The following THSD7B variants were observed in gnomAD, a reference collection of about 807,000 sequenced individuals.
The protein encoded by THSD7B is thrombospondin type 1 domain containing 7B, also known as thrombospondin type-1 domain-containing protein 7B.
A neutral mutation model predicts 213.6 loss-of-function variants in THSD7B; 138 were observed. The observed-to-expected ratio is 0.65, with a 90% CI of 0.56 to 0.74. The LOEUF (loss-of-function observed/expected upper bound fraction) is 0.74, where lower values mean the gene tolerates loss of function less well. Ranked by LOEUF, THSD7B falls within the 30% of genes least tolerant of loss-of-function variation. THSD7B has a pLI of 0.00. For missense variants in THSD7B, 1,931 were observed against 1,991.5 expected, an observed-to-expected ratio of 0.97 and a Z score of 0.58; for synonymous variants, 742 against 687.0, an observed-to-expected ratio of 1.08 and a Z score of -1.25.
At chr2:137,135,007 C>T (rs1207408343) in intron 5 of THSD7B, among the ~76,000 whole-genome samples, 1 of 152,110 alleles carries the variant, frequency 6.6e-6, no homozygotes, top group Admixed American at 6.6e-5. Context: ...ACCTCAGTTT[C>T]TTCTGAGCCT....
At chr2:137,279,278 G>A (rs1301710781) in intron 12 of THSD7B, among the ~76,000 whole-genome samples, 1 of 152,270 alleles carries the variant, frequency 6.6e-6, no homozygotes, top group South Asian at 2.1e-4. Flanking sequence ...GCTCATGCCT[G>A]TAATCTCAGC....
chr2:136,961,110 AAG>A (rs1484867145), intron 2 of THSD7B, among the ~76,000 whole-genome samples: 1 of 148,546 alleles, frequency 6.7e-6, no homozygotes, highest in Non-Finnish European at 1.5e-5. Flanking sequence ...AAAAAAAAAA[AAG>A]AGAAAATGTG....
At chr2:137,135,346 C>T (rs960994477) in intron 5 of THSD7B, among the ~76,000 whole-genome samples, 7 of 152,174 alleles carry the variant, frequency 4.6e-5, no homozygotes, top group African/African-American at 1.4e-4. Flanking sequence ...TCTGAAGTCA[C>T]TAATATTTGG....
chr2:137,038,469 C>G (rs1686817907), intron 2 of THSD7B, among the ~76,000 whole-genome samples: 1 of 152,122 alleles, frequency 6.6e-6, no homozygotes, highest in Non-Finnish European at 1.5e-5. Flanking sequence ...CTGCCCTTGG[C>G]CACTCACAGG....
chr2:137,020,454 T>C (rs530087789), intron 2 of THSD7B, among the ~76,000 whole-genome samples: 188 of 152,196 alleles, frequency 1.2e-3, no homozygotes, highest in Non-Finnish European at 1.3e-3. Context: ...CCTGATCTGA[T>C]TGCGGTTCAT....
At chr2:137,398,232 G>C in intron 12 of THSD7B, among the ~76,000 whole-genome samples, 1 of 149,876 alleles carries the variant, frequency 6.7e-6, no homozygotes, top group Non-Finnish European at 1.5e-5. Flanking sequence ...TGGAGGAGGA[G>C]AGGTGCTCTG....
intron 10 of THSD7B, among the ~76,000 whole-genome samples, chr2:137,265,232 A>G (rs1304425894): frequency 6.6e-6 from 1 of 152,206 alleles, no homozygotes; most frequent in Non-Finnish European, 1.5e-5. Context: ...ATCACTGGCC[A>G]TCAGAGAAAT....
intron 3 of THSD7B, among the ~76,000 whole-genome samples, chr2:137,063,475 T>C (rs1279614202): frequency 2.0e-5 from 3 of 152,108 alleles, no homozygotes; most frequent in Admixed American, 1.3e-4. Flanking sequence ...ATTGTAATCA[T>C]ATCAGGGTAA....
chr2:137,373,880 T>C (rs181159576), intron 12 of THSD7B, among the ~76,000 whole-genome samples: 1 of 152,066 alleles, frequency 6.6e-6, no homozygotes, highest in South Asian at 2.1e-4. Context: ...TTTGTATAAG[T>C]TGTAAGGAAG....
At chr2:137,404,524 CACAA>C (rs1386572339) in intron 12 of THSD7B, among the ~76,000 whole-genome samples, 1 of 137,942 alleles carries the variant, frequency 7.2e-6, no homozygotes, top group African/African-American at 2.7e-5. Flanking sequence ...TATATACACA[CACAA>C]TATATATATA....
At chr2:137,643,125 T>A (rs912556666) in intron 21 of THSD7B, among the ~76,000 whole-genome samples, 4 of 152,216 alleles carry the variant, frequency 2.6e-5, no homozygotes, top group Admixed American at 2.0e-4. Flanking sequence ...CACTACATTT[T>A]CCTCAATGAT....
intron 12 of THSD7B, among the ~76,000 whole-genome samples, chr2:137,378,772 C>G (rs563973406): frequency 2.0e-5 from 3 of 152,240 alleles, no homozygotes; most frequent in African/African-American, 4.8e-5. Flanking sequence ...AGAGCTGGTC[C>G]TAATTATTTT....
chr2:137,356,894 A>G (rs1371620804), intron 12 of THSD7B, among the ~76,000 whole-genome samples: 1 of 151,566 alleles, frequency 6.6e-6, no homozygotes, highest in Non-Finnish European at 1.5e-5. Flanking sequence ...GTCAATACCT[A>G]CTTTTTCAAG....
At chr2:137,653,341 G>C (rs1396884809) in intron 21 of THSD7B, among the ~76,000 whole-genome samples, 1 of 151,852 alleles carries the variant, frequency 6.6e-6, no homozygotes, top group Non-Finnish European at 1.5e-5. Flanking sequence ...GTATCTTAAG[G>C]TTTTTAAGGT....
At chr2:137,570,884 C>T (rs1053164986) in intron 16 of THSD7B, among the ~76,000 whole-genome samples, 1 of 152,146 alleles carries the variant, frequency 6.6e-6, no homozygotes, top group African/African-American at 2.4e-5. Context: ...TGACAAATAA[C>T]AACTTTGTAT....
chr2:137,323,889 A>G (rs747792558), intron 12 of THSD7B, among the ~76,000 whole-genome samples: 2 of 152,240 alleles, frequency 1.3e-5, no homozygotes, highest in Non-Finnish European at 2.9e-5. Context: ...GCAAAGCAGA[A>G]TGCCACATTA....
At chr2:137,377,776 A>G (rs1685691364) in intron 12 of THSD7B, among the ~76,000 whole-genome samples, 2 of 151,920 alleles carry the variant, frequency 1.3e-5, no homozygotes, top group African/African-American at 4.8e-5. Flanking sequence ...ACAGGCATGA[A>G]CCACCATGCC....
chr2:137,408,757 T>G (rs892866312), intron 13 of THSD7B, among the ~76,000 whole-genome samples: 11 of 152,162 alleles, frequency 7.2e-5, no homozygotes, highest in Non-Finnish European at 1.6e-4. Flanking sequence ...GCTGTGCAAG[T>G]CCCTGGCTCA....
chr2:137,566,133 G>A (rs1402573775), intron 16 of THSD7B, among the ~76,000 whole-genome samples: 1 of 152,096 alleles, frequency 6.6e-6, no homozygotes, highest in Non-Finnish European at 1.5e-5. Context: ...CATCTTCATG[G>A]TTTATCCATG....
Sources: allele counts gnomAD v4.1 joint callset (sites outside exome capture counted in the v4.1 genomes callset), GRCh38; gene constraint gnomAD v4.1.1; transcripts MANE v1.5; gene names NCBI Gene and HGNC (gene_info 2026-07-23, HGNC 2026-07-21).